Variants in CHL1 observed in about 807,000 individuals in gnomAD.
CHL1 encodes the protein neural cell adhesion molecule L1-like protein.
In CHL1, 96 loss-of-function variants were observed where a neutral mutation model predicts 141.9. That is an observed-to-expected ratio of 0.68 (90% CI 0.57 to 0.80). The LOEUF (loss-of-function observed/expected upper bound fraction) is 0.80, where lower values mean the gene tolerates loss of function less well. Among genes scored for constraint, CHL1 ranks in the 30% least tolerant of loss-of-function variants. The probability of loss-of-function intolerance (pLI) is 0.00; values close to 1 mark genes in which losing one functional copy is unlikely to be tolerated. For synonymous variants in CHL1, 613 were observed against 502.2 expected, an observed-to-expected ratio of 1.22 and a Z score of -2.95; for missense variants, 1,820 against 1,457.2, an observed-to-expected ratio of 1.25 and a Z score of -4.05.
chr3:367,219 A>G lies in CHL1; in HGVS notation c.1751+1104A>G, dbSNP rs567330721. Among the ~76,000 whole-genome samples the G allele has an allele frequency of 1.4e-4, 21 of 152,366 alleles. No homozygotes were observed. In the East Asian group the frequency reaches 2.7e-3, roughly 20 times the overall value. On this transcript the variant is annotated intron_variant, in intron 15 of 27. Coordinates refer to ENST00000256509, the MANE Select transcript of CHL1 (RefSeq NM_006614.4). The stretch of plus-strand genomic sequence containing the variant: ...CGTCCTTTTGCATTGTTACTAAGTA[A>G]GGGTTAAAACTTAACCATCTTGGAG...
intron 15 of CHL1, among the ~76,000 whole-genome samples, chr3:366,470 CAA>C (rs5845967): frequency 0.019 from 2,544 of 134,602 alleles, 36 homozygotes; most frequent in Non-Finnish European, 0.025. Context: ...GACTCTGTCT[CAA>C]AAAAAAAAAA....
intron 6 of CHL1, 114 bp downstream of exon 6, chr3:341,030 A>T (rs905478438): frequency 8.8e-7 from 1 of 1,140,950 alleles, no homozygotes; most frequent in Non-Finnish European, 1.2e-6. Context: ...TAATTTTTTC[A>T]TATTTGAAGA....
intron 2 of CHL1, among the ~76,000 whole-genome samples, chr3:283,735 T>C (rs543939106): frequency 1.8e-4 from 27 of 152,292 alleles, no homozygotes; most frequent in African/African-American, 6.5e-4. Context: ...AGAACCATCA[T>C]CCCCGGCATC....
chr3:234,461 G>A (rs1691747009), intron 1 of CHL1, among the ~76,000 whole-genome samples: 1 of 152,100 alleles, frequency 6.6e-6, no homozygotes, highest in South Asian at 2.1e-4. Context: ...TAGTTATCAA[G>A]ACTAAAATAC....
At chr3:297,905 G>A (rs566213777) in intron 2 of CHL1, among the ~76,000 whole-genome samples, 15 of 152,230 alleles carry the variant, frequency 9.9e-5, no homozygotes, top group Admixed American at 6.5e-4. Flanking sequence ...AGTGGGCTGG[G>A]GATTATAGAG....
At chr3:347,439 T>G (rs896353964) in intron 9 of CHL1, among the ~76,000 whole-genome samples, 9 of 152,202 alleles carry the variant, frequency 5.9e-5, no homozygotes, top group Non-Finnish European at 1.0e-4. Context: ...GCTGAAAATT[T>G]TTGCCATGGT....
chr3:197,872 C>CTT (rs58240971), intron 1 of CHL1: 16,121 of 353,870 alleles, frequency 0.046, 127 homozygotes, highest in East Asian at 0.084. Context: ...CTTTCTCTCG[C>CTT]TTTTTTTTTT....
intron 1 of CHL1, among the ~76,000 whole-genome samples, chr3:228,281 C>T (rs546146787): frequency 6.6e-6 from 1 of 152,248 alleles, no homozygotes; most frequent in South Asian, 2.1e-4. Flanking sequence ...ATGTGCTTTT[C>T]GACAGGATTA....
At chr3:294,173 G>C (rs1014708331) in intron 2 of CHL1, among the ~76,000 whole-genome samples, 1 of 152,028 alleles carries the variant, frequency 6.6e-6, no homozygotes, top group Non-Finnish European at 1.5e-5. Context: ...TCAAAAATTA[G>C]CTGGGTGTGG....
intron 23 of CHL1, 88 bp downstream of exon 23, chr3:391,885 C>G: frequency 9.6e-7 from 1 of 1,041,794 alleles, no homozygotes; most frequent in Non-Finnish European, 1.4e-6. Flanking sequence ...GTCTAATGAT[C>G]ACTTAAGGCC....
At chr3:256,625 A>G (rs1246655346) in intron 2 of CHL1, among the ~76,000 whole-genome samples, 4 of 152,334 alleles carry the variant, frequency 2.6e-5, no homozygotes, top group East Asian at 1.9e-4. Context: ...TGAATGCCCA[A>G]AAAGAATTAT....
At position 297,097 on chromosome 3, in the gene CHL1, G is replaced by A. The variant is rs142727104; in HGVS notation, c.-94-22586G>A. ...GAGAGATAGCCAGGCATGGTGGTGC[G>A]CACCTGTAGTCCCAGCTGCTCGGGA... is the stretch of plus-strand genomic sequence containing the variant. On this transcript the variant is annotated intron_variant, in intron 2 of 27. Coordinates refer to ENST00000256509, the MANE Select transcript of CHL1 (RefSeq NM_006614.4). 2.3e-4 allele frequency among the ~76,000 whole-genome samples: 35 copies of A among 152,174 alleles called. No individual in the cohort carries two copies. The East Asian group carries it at 4.1e-3, about 18-fold the overall frequency.
intron 6 of CHL1, 129 bp downstream of exon 6, chr3:341,045 A>G: frequency 2.2e-6 from 2 of 924,398 alleles, no homozygotes; most frequent in Non-Finnish European, 1.6e-6. Context: ...TGAAGAGGAG[A>G]TGCTACTAAT....
At chr3:220,089 A>G (rs557387090) in intron 1 of CHL1, among the ~76,000 whole-genome samples, 13 of 152,348 alleles carry the variant, frequency 8.5e-5, no homozygotes, top group African/African-American at 2.9e-4. Flanking sequence ...GATTTCATTT[A>G]TACGATATTT....
chr3:260,876 T>C (rs918410712), intron 2 of CHL1, among the ~76,000 whole-genome samples: 1 of 152,218 alleles, frequency 6.6e-6, no homozygotes, highest in Non-Finnish European at 1.5e-5. Context: ...TCTCAGACTT[T>C]TCCACAAGGC....
chr3:257,046 CT>C (rs1201226457), intron 2 of CHL1, among the ~76,000 whole-genome samples: 1 of 152,130 alleles, frequency 6.6e-6, no homozygotes, highest in Non-Finnish European at 1.5e-5. Context: ...TTAGTTATTC[CT>C]TAAAGTTTTG....
chr3:330,566 A>G (rs959821442), intron 5 of CHL1, among the ~76,000 whole-genome samples: 34 of 152,180 alleles, frequency 2.2e-4, no homozygotes, highest in Non-Finnish European at 2.8e-4. Flanking sequence ...TATTAAAAAA[A>G]GAAAAAATCT....
At chr3:263,167 G>A (rs1232090176) in intron 2 of CHL1, among the ~76,000 whole-genome samples, 1 of 152,072 alleles carries the variant, frequency 6.6e-6, no homozygotes, top group Admixed American at 6.6e-5. Flanking sequence ...TCCATCGCAG[G>A]CAAGGCCGAC....
intron 1 of CHL1, among the ~76,000 whole-genome samples, chr3:234,416 G>T (rs896513184): frequency 1.3e-5 from 2 of 151,990 alleles, no homozygotes; most frequent in Non-Finnish European, 2.9e-5. Flanking sequence ...ATTATTTATT[G>T]TCTCCCAAGG....
Sources: allele counts gnomAD v4.1 joint callset (sites outside exome capture counted in the v4.1 genomes callset), GRCh38; gene constraint gnomAD v4.1.1; transcripts MANE v1.5; gene names NCBI Gene and HGNC (gene_info 2026-07-23, HGNC 2026-07-21).